Variants in CDH13 observed in about 807,000 individuals in gnomAD.
CDH13 encodes the protein cadherin-13.
In CDH13, 24 loss-of-function variants were observed where a neutral mutation model predicts 63.8. The observed-to-expected ratio is 0.38, with a 90% CI of 0.27 to 0.53. The LOEUF (loss-of-function observed/expected upper bound fraction) is 0.53. CDH13 is among the 20% of genes least tolerant of loss of function. CDH13 has a pLI of 0.85. For synonymous variants in CDH13, 503 were observed against 355.3 expected (o/e 1.42, Z -4.67); for missense variants, 1,049 against 903.1 (o/e 1.16, Z -2.07).
intron 6 of CDH13, among the ~76,000 whole-genome samples, chr16:83,359,459 G>T (rs940242231): frequency 6.6e-6 from 1 of 152,240 alleles, no homozygotes; most frequent in African/African-American, 2.4e-5. Context: ...GAGGGTCTTA[G>T]TGTCGTCACC....
At chr16:82,890,688 G>A (rs1249674123) in intron 2 of CDH13, among the ~76,000 whole-genome samples, 2 of 135,968 alleles carry the variant, frequency 1.5e-5, no homozygotes, top group African/African-American at 5.5e-5. Flanking sequence ...CTTTTGCTCT[G>A]TAGCCCAGGC....
chr16:83,749,712 A>T (rs534538038), intron 11 of CDH13, among the ~76,000 whole-genome samples: 1 of 152,288 alleles, frequency 6.6e-6, no homozygotes, highest in East Asian at 1.9e-4. Context: ...GATGAATAAT[A>T]CATGGTCCTT....
chr16:82,797,334 C>T (rs924818628), intron 1 of CDH13, among the ~76,000 whole-genome samples: 1 of 152,188 alleles, frequency 6.6e-6, no homozygotes, highest in Non-Finnish European at 1.5e-5. Flanking sequence ...AGAGCAAGTA[C>T]TACGGTAGCT....
At position 83,075,551 on chromosome 16, in the gene CDH13, C is replaced by T. The variant is rs76844518; in HGVS notation, c.366+43333C>T. ...TGGTTGCTGAGCATTGCATCCAGTG[C>T]GTACCTTGTTCCCTTGCTGCACTCT... On this transcript the variant is annotated intron_variant, in intron 3 of 13. Transcript: ENST00000567109. 1.6e-3 allele frequency among the ~76,000 whole-genome samples: 241 copies of T among 152,290 alleles called. 2 individuals are homozygous for T. Among genetic ancestry groups the T allele is most frequent in the East Asian group, 0.013 (65 of 5,180 alleles).
At chr16:83,347,938 T>G (rs560289848) in intron 6 of CDH13, among the ~76,000 whole-genome samples, 9 of 152,266 alleles carry the variant, frequency 5.9e-5, no homozygotes, top group African/African-American at 1.9e-4. Flanking sequence ...AAGCCTGTAA[T>G]CCCAGTACTT....
At chr16:83,613,251 A>T (rs1279843663) in intron 8 of CDH13, among the ~76,000 whole-genome samples, 2 of 152,214 alleles carry the variant, frequency 1.3e-5, no homozygotes, top group Admixed American at 1.3e-4. Flanking sequence ...CAGCAGCTTA[A>T]CTGTGACATG....
intron 2 of CDH13, among the ~76,000 whole-genome samples, chr16:83,006,096 C>T (rs1322255632): frequency 6.6e-6 from 1 of 152,174 alleles, no homozygotes; most frequent in East Asian, 1.9e-4. Flanking sequence ...GCTTCAGTTG[C>T]ACAATACTGG....
At chr16:83,140,702 G>A (rs1373643638) in intron 4 of CDH13, among the ~76,000 whole-genome samples, 9 of 152,124 alleles carry the variant, frequency 5.9e-5, no homozygotes, top group African/African-American at 1.4e-4. Context: ...TGATCCACCC[G>A]CCTGGGCCTC....
At chr16:82,987,011 G>A (rs1457460854) in intron 2 of CDH13, among the ~76,000 whole-genome samples, 1 of 152,146 alleles carries the variant, frequency 6.6e-6, no homozygotes, top group East Asian at 1.9e-4. Context: ...AGAATTTAGG[G>A]ATTCACTTTT....
At chr16:82,747,012 G>C (rs1331968414) in intron 1 of CDH13, among the ~76,000 whole-genome samples, 1 of 152,210 alleles carries the variant, frequency 6.6e-6, no homozygotes, top group Admixed American at 6.5e-5. Context: ...TGAATTGTTA[G>C]ATTGTCTTAG....
At chr16:83,311,569 C>A (rs773019025) in intron 5 of CDH13, among the ~76,000 whole-genome samples, 9 of 152,140 alleles carry the variant, frequency 5.9e-5, no homozygotes, top group Non-Finnish European at 1.2e-4. Flanking sequence ...TCCCATTTTA[C>A]AGAGTTTAAA....
chr16:83,368,999 A>G (rs1395149705), intron 6 of CDH13, among the ~76,000 whole-genome samples: 8 of 133,180 alleles, frequency 6.0e-5, no homozygotes, highest in Non-Finnish European at 1.1e-4. Flanking sequence ...ATGTTCTTGC[A>G]ATTGCAAATT....
At chr16:83,122,062 C>T (rs1204587123) in intron 3 of CDH13, among the ~76,000 whole-genome samples, 1 of 151,952 alleles carries the variant, frequency 6.6e-6, no homozygotes, top group Non-Finnish European at 1.5e-5. Context: ...TGATAGGAAG[C>T]TGTTGTTAGG....
intron 1 of CDH13, among the ~76,000 whole-genome samples, chr16:82,698,922 C>G (rs1427703834): frequency 6.6e-6 from 1 of 151,908 alleles, no homozygotes; most frequent in Non-Finnish European, 1.5e-5. Context: ...TCTTATTATC[C>G]TTTTTCTTTT....
At chr16:82,693,746 GA>G (rs1287813046) in intron 1 of CDH13, among the ~76,000 whole-genome samples, 1 of 152,188 alleles carries the variant, frequency 6.6e-6, no homozygotes, top group Non-Finnish European at 1.5e-5. Context: ...ATTGCCACTT[GA>G]GGCATATTTC....
At chr16:83,669,017 G>A (rs982618000) in intron 8 of CDH13, among the ~76,000 whole-genome samples, 4 of 152,108 alleles carry the variant, frequency 2.6e-5, no homozygotes, top group East Asian at 1.9e-4. Flanking sequence ...TTCTTGCCCC[G>A]ACTACATATT....
intron 10 of CDH13, among the ~76,000 whole-genome samples, chr16:83,724,441 GAT>G (rs1567552392): frequency 5.3e-5 from 8 of 150,308 alleles, no homozygotes; most frequent in African/African-American, 2.0e-4. Context: ...TGCATGGGTG[GAT>G]GATGAATGCA....
intron 7 of CDH13, among the ~76,000 whole-genome samples, chr16:83,570,550 AC>A: frequency 6.6e-6 from 1 of 152,056 alleles, no homozygotes; most frequent in East Asian, 1.9e-4. Flanking sequence ...TCGCTGCTTT[AC>A]TGGGCTGCTG....
chr16:83,147,237 A>C (rs2036788692), intron 4 of CDH13, among the ~76,000 whole-genome samples: 1 of 152,184 alleles, frequency 6.6e-6, no homozygotes, highest in South Asian at 2.1e-4. Flanking sequence ...GTTAAAGTTG[A>C]ATTGTTCCGT....
Sources: allele counts gnomAD v4.1 joint callset (sites outside exome capture counted in the v4.1 genomes callset), GRCh38; gene constraint gnomAD v4.1.1; transcripts MANE v1.5; gene names NCBI Gene and HGNC (gene_info 2026-07-23, HGNC 2026-07-21).